The following NDST4 variants were observed in gnomAD, a reference collection of about 807,000 sequenced individuals.
NDST4 encodes the protein N-heparan sulfate sulfotransferase 4.
In NDST4, 63 loss-of-function variants were observed where a neutral mutation model predicts 100.8. That is an observed-to-expected ratio of 0.62 (90% CI 0.51 to 0.77). NDST4 has a LOEUF of 0.77. NDST4 is among the 30% of genes least tolerant of loss of function. The pLI, the probability that NDST4 is intolerant of heterozygous loss-of-function variation, is 0.00. For missense variants in NDST4, 943 were observed against 1,018.4 expected (o/e 0.93, Z 1.01); for synonymous variants, 377 against 361.8 (o/e 1.04, Z -0.48).
intron 1 of NDST4, among the ~76,000 whole-genome samples, chr4:115,101,344 C>T (rs1483062934): frequency 1.3e-5 from 2 of 151,972 alleles, no homozygotes; most frequent in African/African-American, 2.4e-5. Flanking sequence ...GAAATGTCCA[C>T]TAGTTTGCTG....
chr4:115,100,659 A>G (rs1267407320), intron 1 of NDST4, among the ~76,000 whole-genome samples: 2 of 152,092 alleles, frequency 1.3e-5, no homozygotes, highest in Non-Finnish European at 2.9e-5. Flanking sequence ...TTTCCTTAAT[A>G]ACATTAAATA....
intron 7 of NDST4, among the ~76,000 whole-genome samples, chr4:114,866,303 T>C (rs189278372): frequency 6.6e-6 from 1 of 152,236 alleles, no homozygotes; most frequent in African/African-American, 2.4e-5. Context: ...TATTCTTACC[T>C]GTCCTGAGTA....
rs544358957 is a variant in NDST4 at position 115,091,721 on chromosome 4, C to T, written c.-246-14439G>A. On this transcript the variant is annotated intron_variant, in intron 1 of 13. Transcript: ENST00000264363. Reference sequence around the variant, plus strand: ...GTTTTGTAGCTAATTTGAAAGATAACGTATCATTAGGAGGTTGTGCTTGCA... The same window carrying T: ...GTTTTGTAGCTAATTTGAAAGATAATGTATCATTAGGAGGTTGTGCTTGCA... Among the ~76,000 whole-genome samples, 11 of 152,134 alleles carry T rather than the reference C, an allele frequency of 7.2e-5. No homozygotes were observed. The South Asian group carries it at 8.3e-4, about 11-fold the overall frequency.
chr4:114,996,526 C>A (rs1249132984), intron 2 of NDST4, among the ~76,000 whole-genome samples: 1 of 152,010 alleles, frequency 6.6e-6, no homozygotes, highest in Non-Finnish European at 1.5e-5. Context: ...GATAAGAACA[C>A]CTTTAAGTAA....
At chr4:114,980,926 G>T (rs1726755009) in intron 2 of NDST4, among the ~76,000 whole-genome samples, 2 of 151,986 alleles carry the variant, frequency 1.3e-5, no homozygotes, top group African/African-American at 4.8e-5. Flanking sequence ...CAGAAAGGAA[G>T]TCTAGGCTGG....
chr4:115,092,386 G>C (rs1334729430), intron 1 of NDST4, among the ~76,000 whole-genome samples: 1 of 152,058 alleles, frequency 6.6e-6, no homozygotes, highest in East Asian at 1.9e-4. Context: ...TAAATGAGGG[G>C]GAAACTCATA....
At chr4:115,065,262 T>C (rs1451572937) in intron 2 of NDST4, among the ~76,000 whole-genome samples, 1 of 152,096 alleles carries the variant, frequency 6.6e-6, no homozygotes, top group African/African-American at 2.4e-5. Context: ...ACCAAAATAT[T>C]CTGAATTGGG....
chr4:114,997,576 G>T (rs1365848463), intron 2 of NDST4, among the ~76,000 whole-genome samples: 1 of 151,912 alleles, frequency 6.6e-6, no homozygotes, highest in Non-Finnish European at 1.5e-5. Context: ...ACCCAAGAAA[G>T]CTATGTAAAT....
chr4:114,888,316 C>T (rs1038482253), intron 6 of NDST4, among the ~76,000 whole-genome samples: 2 of 151,972 alleles, frequency 1.3e-5, no homozygotes, highest in South Asian at 4.1e-4. Flanking sequence ...AACCTTACTA[C>T]AAGTGATAAA....
intron 12 of NDST4, 35 bp downstream of exon 12, chr4:114,833,571 A>G: frequency 7.4e-7 from 1 of 1,351,544 alleles, no homozygotes; most frequent in Non-Finnish European, 1.1e-6. Flanking sequence ...GATGGCAAAT[A>G]ATGGAAATGA....
intron 4 of NDST4, among the ~76,000 whole-genome samples, chr4:114,969,786 C>T (rs1396029336): frequency 4.6e-5 from 7 of 152,060 alleles, no homozygotes; most frequent in Non-Finnish European, 8.8e-5. Flanking sequence ...CATGTGTGTG[C>T]GTCTTTATGG....
rs1204899322 is a variant in NDST4, at chr4:114,985,454, C to T, written c.979-8180G>A. On this transcript the variant is annotated intron_variant, in intron 2 of 13. Coordinates refer to ENST00000264363, the MANE Select transcript of NDST4 (RefSeq NM_022569.3). ...TGGCAAAAATAATATCTAATATTAT[C>T]AAGCTTTTACTATGTGTTAGGTGAT... Among the ~76,000 whole-genome samples the T allele has an allele frequency of 2.0e-5, 3 of 152,106 alleles. No individual in the cohort carries two copies. The East Asian group carries it at 5.8e-4, about 29-fold the overall frequency.
chr4:114,928,681 C>A (rs981237225), intron 6 of NDST4, among the ~76,000 whole-genome samples: 2 of 152,102 alleles, frequency 1.3e-5, no homozygotes, highest in African/African-American at 4.8e-5. Context: ...TGCACAACCC[C>A]TGTATTGGGT....
Position 114,937,501 on chromosome 4 carries a change from T to C in NDST4, c.1224A>G (p.Glu408=). ...AGCCCATGTTGATTGGTATTCCATG[T>C]TCCTAAAACAAAGCCAGAACAACAT... ...QMILNKEFAL[E]HGIPINMGYA... is the part of the protein sequence containing the mutation. Residue 408 remains glutamate, a splice_region_variant and synonymous_variant, in exon 5 of 14, where the codon GAA becomes GAG. Coordinates refer to ENST00000264363, the MANE Select transcript of NDST4 (RefSeq NM_022569.3). 1 of 1,545,494 alleles carries C rather than the reference T, an allele frequency of 6.5e-7. No homozygotes were observed. The highest frequency in any genetic ancestry group is 8.7e-7 in the Non-Finnish European group (1 of 1,147,980).
At chr4:114,912,537 T>G (rs1578383965) in intron 6 of NDST4, among the ~76,000 whole-genome samples, 2 of 152,110 alleles carry the variant, frequency 1.3e-5, no homozygotes, top group South Asian at 4.1e-4. Context: ...TGCAGGTGCC[T>G]GAACAAGCAT....
intron 2 of NDST4, among the ~76,000 whole-genome samples, chr4:115,052,501 C>T (rs1434588094): frequency 6.6e-6 from 1 of 152,066 alleles, no homozygotes; most frequent in Non-Finnish European, 1.5e-5. Flanking sequence ...GTAACTGAAT[C>T]ATGGGGGCGA....
At chr4:114,923,769 T>C (rs1725333982) in intron 6 of NDST4, among the ~76,000 whole-genome samples, 1 of 151,990 alleles carries the variant, frequency 6.6e-6, no homozygotes, top group South Asian at 2.1e-4. Flanking sequence ...AACATCCACA[T>C]AAACAGGAGG....
intron 4 of NDST4, among the ~76,000 whole-genome samples, chr4:114,952,027 T>G (rs1726000300): frequency 6.6e-6 from 1 of 152,188 alleles, no homozygotes; most frequent in South Asian, 2.1e-4. Flanking sequence ...GAAACCTATG[T>G]TATAATTTTC....
intron 6 of NDST4, among the ~76,000 whole-genome samples, chr4:114,916,341 T>C (rs1725166996): frequency 6.6e-6 from 1 of 152,184 alleles, no homozygotes; most frequent in Non-Finnish European, 1.5e-5. Flanking sequence ...CACATTCTCT[T>C]CTAGCCTCTT....
Sources: allele counts gnomAD v4.1 joint callset (sites outside exome capture counted in the v4.1 genomes callset), GRCh38; gene constraint gnomAD v4.1.1; transcripts MANE v1.5; gene names NCBI Gene and HGNC (gene_info 2026-07-23, HGNC 2026-07-21).